The following AK7 variants were observed in gnomAD, a reference collection of about 807,000 sequenced individuals.
AK7 encodes the protein ATP-AMP transphosphorylase 7.
In AK7, 78 loss-of-function variants were observed where a neutral mutation model predicts 96.6. The ratio of observed to expected loss-of-function variants is 0.81; its 90% CI spans 0.67 to 0.97. The LOEUF (loss-of-function observed/expected upper bound fraction) is 0.97, where lower values mean the gene tolerates loss of function less well. AK7 is among the 50% of genes least tolerant of loss of function. The pLI is 0.00. For missense variants in AK7, 855 were observed against 887.9 expected (o/e 0.96, Z 0.47); for synonymous variants, 302 against 317.2 (o/e 0.95, Z 0.51).
At chr14:96,461,164 G>C (rs1217612072) in intron 12 of AK7, among the ~76,000 whole-genome samples, 2 of 152,178 alleles carry the variant, frequency 1.3e-5, no homozygotes, top group Non-Finnish European at 2.9e-5. Flanking sequence ...GTTGGTTTTA[G>C]AGAGTCTAAA....
At chr14:96,442,039 G>A (rs540848055) in intron 6 of AK7, among the ~76,000 whole-genome samples, 1 of 152,274 alleles carries the variant, frequency 6.6e-6, no homozygotes, top group South Asian at 2.1e-4. Context: ...AGACCCAGTG[G>A]TCTACTGTGA....
At chr14:96,433,340 C>A (rs545761444) in intron 5 of AK7, among the ~76,000 whole-genome samples, 1 of 152,280 alleles carries the variant, frequency 6.6e-6, no homozygotes, top group East Asian at 1.9e-4. Flanking sequence ...TTCACATAGT[C>A]CAATATTTCT....
intron 8 of AK7, among the ~76,000 whole-genome samples, chr14:96,449,419 GGTGT>G (rs1205519708): frequency 2.7e-5 from 4 of 148,294 alleles, no homozygotes; most frequent in African/African-American, 9.8e-5. Flanking sequence ...TTCATTTGAG[GGTGT>G]TTGTTTGTTT....
intron 15 of AK7, among the ~76,000 whole-genome samples, chr14:96,479,298 C>T (rs1026350011): frequency 5.3e-5 from 8 of 151,896 alleles, no homozygotes; most frequent in Admixed American, 2.6e-4. Context: ...AGGATGGTCT[C>T]GATCTCCTGA....
chr14:96,428,795 CT>C (rs758279563), intron 5 of AK7, among the ~76,000 whole-genome samples: 1 of 151,132 alleles, frequency 6.6e-6, no homozygotes, highest in South Asian at 2.1e-4. Context: ...CCTTCGCCCA[CT>C]TTTTGATGGG....
At chr14:96,436,373 A>C (rs966357781) in intron 5 of AK7, among the ~76,000 whole-genome samples, 2 of 152,166 alleles carry the variant, frequency 1.3e-5, no homozygotes, top group Non-Finnish European at 2.9e-5. Flanking sequence ...GGCCGGGCGC[A>C]GTGGCTTACA....
intron 12 of AK7, among the ~76,000 whole-genome samples, chr14:96,470,659 G>A (rs987517270): frequency 6.6e-6 from 1 of 152,128 alleles, no homozygotes; most frequent in African/African-American, 2.4e-5. Flanking sequence ...AGGGAGCCGT[G>A]TTCTTTTCTG....
At chr14:96,430,200 T>A (rs1892269460) in intron 5 of AK7, among the ~76,000 whole-genome samples, 1 of 151,184 alleles carries the variant, frequency 6.6e-6, no homozygotes, top group Admixed American at 6.6e-5. Flanking sequence ...TTTTTTTTTT[T>A]TTTGAGACGG....
chr14:96,478,634 T>C lies in AK7; in HGVS notation c.1725T>C (p.Asp575=), dbSNP rs1370623272. Residue 575 remains aspartate (D), a synonymous_variant, in exon 15 of 18, where the codon GAT becomes GAC. Transcript: ENST00000267584. ...ATGAGACTGTCTTCAACTATTTTGA[T>C]GAACTTGAAATTCACCCGATACATA... The part of the protein sequence containing the change: ...IDDETVFNYF[D]ELEIHPIHID... 2 of 1,614,116 alleles carry C rather than the reference T, an allele frequency of 1.2e-6. No individual in the cohort carries two copies. Among genetic ancestry groups the C allele is most frequent in the Non-Finnish European group, 1.7e-6 (2 of 1,180,020 alleles).
intron 1 of AK7, among the ~76,000 whole-genome samples, chr14:96,394,510 G>T (rs79217064): frequency 0.013 from 1,983 of 152,242 alleles, 57 homozygotes; most frequent in African/African-American, 0.045. Flanking sequence ...CTCCTAAGCC[G>T]GGATGCACTC....
At chr14:96,436,951 A>T (rs901993912) in intron 5 of AK7, among the ~76,000 whole-genome samples, 2 of 151,976 alleles carry the variant, frequency 1.3e-5, no homozygotes, top group Non-Finnish European at 2.9e-5. Flanking sequence ...TAGGAAGCTC[A>T]TCATCATGGC....
intron 15 of AK7, among the ~76,000 whole-genome samples, chr14:96,479,249 T>C (rs1895376185): frequency 6.6e-6 from 1 of 152,040 alleles, no homozygotes; most frequent in African/African-American, 2.4e-5. Flanking sequence ...GCTAATTTTT[T>C]TGTATTTTTA....
intron 2 of AK7, among the ~76,000 whole-genome samples, chr14:96,402,868 G>A (rs1456089420): frequency 6.6e-6 from 1 of 151,960 alleles, no homozygotes; most frequent in Non-Finnish European, 1.5e-5. Context: ...AGTAGCTCAC[G>A]CCTGTAATCC....
At chr14:96,392,669 ATT>A (rs34085850) in intron 1 of AK7, among the ~76,000 whole-genome samples, 28 of 149,690 alleles carry the variant, frequency 1.9e-4, no homozygotes, top group Admixed American at 4.6e-4. Flanking sequence ...AAATAAATCA[ATT>A]TTTTTTTTTT....
Position 96,478,630 on chromosome 14 carries a change from T to A in AK7, c.1721T>A (p.Phe574Tyr). The change falls in exon 15 of 18, where the codon TTT becomes TAT. Residue 574 changes from phenylalanine to tyrosine, a missense_variant. Transcript: ENST00000267584. Reference sequence around the variant, plus strand: ...GACGATGAGACTGTCTTCAACTATTTTGATGAACTTGAAATTCACCCGATA... The same window carrying A: ...GACGATGAGACTGTCTTCAACTATTATGATGAACTTGAAATTCACCCGATA... Reference protein sequence around the residue: ...NIDDETVFNYFDELEIHPIHI... With the variant: ...NIDDETVFNYYDELEIHPIHI... The A allele has an allele frequency of 1.9e-6, 3 of 1,614,126 alleles. No individual in the cohort carries two copies. The South Asian group carries it at 3.3e-5, about 18-fold the overall frequency.
intron 4 of AK7, among the ~76,000 whole-genome samples, chr14:96,409,348 G>T (rs746904807): frequency 2.6e-5 from 4 of 152,190 alleles, no homozygotes; most frequent in Non-Finnish European, 4.4e-5. Context: ...GAGGCGGGTG[G>T]ACCATCTGAG....
chr14:96,423,598 G>T, intron 5 of AK7: 1 of 507,638 alleles, frequency 2.0e-6, no homozygotes, highest in Non-Finnish European at 3.8e-6. Flanking sequence ...CTGTCCAAAG[G>T]GGAGTGGGAA....
chr14:96,412,739 G>A (rs1012687209), intron 4 of AK7, among the ~76,000 whole-genome samples: 7 of 151,446 alleles, frequency 4.6e-5, no homozygotes, highest in Middle Eastern at 3.4e-3. Flanking sequence ...CTAATTTTTT[G>A]TATTTTAAGT....
intron 5 of AK7, among the ~76,000 whole-genome samples, chr14:96,427,788 T>C (rs1263933122): frequency 6.6e-6 from 1 of 152,210 alleles, no homozygotes. Flanking sequence ...CTAGATCCTA[T>C]AGGCATGTTT....
Sources: gnomAD v4.1 joint callset for allele counts (sites outside exome capture counted in the v4.1 genomes callset) on GRCh38, gnomAD v4.1.1 for gene constraint, MANE v1.5 for transcripts, NCBI Gene and HGNC (gene_info 2026-07-23, HGNC 2026-07-21) for gene names.